The following C10orf143 variants were observed in gnomAD, a reference collection of about 807,000 sequenced individuals.
C10orf143 encodes uncharacterized protein C10orf143.
rs183893684 is a variant in C10orf143 at position 130,039,903 on chromosome 10, C to T, written c.298-3933G>A. Among the ~76,000 whole-genome samples, 670 of 152,254 alleles carry T rather than the reference C, an allele frequency of 4.4e-3. 7 individuals are homozygous for T. The highest frequency in any genetic ancestry group is 7.5e-3 in the Non-Finnish European group (510 of 68,026). Reference sequence around the variant, plus strand: ...CTACTGGGCATGAACCATTTAGGGACGTGGCAAATCACACAGCAATGTGCA... The same window carrying T: ...CTACTGGGCATGAACCATTTAGGGATGTGGCAAATCACACAGCAATGTGCA... On this transcript the variant is annotated intron_variant and NMD_transcript_variant, in intron 3 of 5. Coordinates refer to the C10orf143 transcript ENST00000643056.
At chr10:130,101,852 AAAAAAAAAAAACC>A (rs1335427129) in intron 1 of C10orf143, among the ~76,000 whole-genome samples, 3 of 26,966 alleles carry the variant, frequency 1.1e-4, no homozygotes, top group African/African-American at 1.2e-4. Flanking sequence ...TCTGTCTCAA[AAAAAAAAAAAACC>A]AAAAAAAAAA....
chr10:130,062,417 C>G (rs1860867189), downstream of C10orf143, among the ~76,000 whole-genome samples: 1 of 152,120 alleles, frequency 6.6e-6, no homozygotes, highest in South Asian at 2.1e-4. Flanking sequence ...AATCAGCTGC[C>G]AGCTTGGCCA....
chr10:130,053,700 G>A (rs1326989103), intron 3 of C10orf143, among the ~76,000 whole-genome samples: 1 of 152,222 alleles, frequency 6.6e-6, no homozygotes, highest in Non-Finnish European at 1.5e-5. Flanking sequence ...TTTTGGACAA[G>A]GGATCCCGAG....
In C10orf143 at chr10:130,110,778, C is replaced by G; in HGVS notation, c.-6G>C. On this transcript the variant is annotated 5_prime_UTR_variant, in exon 1 of 4. Transcript: ENST00000637128. ...CCGAGCGCTAAGCTGTCCATGCAGC[C>G]CCAGGGTCAAACCCTCCCGGCATCT... 2.5e-6 allele frequency: 1 copy of G among 399,018 alleles called. No homozygotes were observed. Among genetic ancestry groups the G allele is most frequent in the Non-Finnish European group, 4.4e-6 (1 of 226,190 alleles). 24.7% of individuals were successfully genotyped at this position (399,018 alleles called of 1,614,324 possible).
chr10:130,103,393 G>A (rs777679130), intron 1 of C10orf143, among the ~76,000 whole-genome samples: 1 of 152,160 alleles, frequency 6.6e-6, no homozygotes, highest in Non-Finnish European at 1.5e-5. Context: ...GGGATGCTGA[G>A]GCAGAAGAAT....
intron 3 of C10orf143, among the ~76,000 whole-genome samples, chr10:130,079,129 C>T (rs1447421826): frequency 6.6e-6 from 1 of 152,120 alleles, no homozygotes; most frequent in Non-Finnish European, 1.5e-5. Context: ...GGTGTAAACA[C>T]TGTGTTTGCT....
intron 3 of C10orf143, among the ~76,000 whole-genome samples, chr10:130,074,974 G>GCA (rs1440652361): frequency 6.6e-6 from 1 of 151,506 alleles, no homozygotes; most frequent in Non-Finnish European, 1.5e-5. Flanking sequence ...ACACACACAT[G>GCA]CACACACACC....
chr10:130,071,778 C>T (rs1342523303), intron 3 of C10orf143, among the ~76,000 whole-genome samples: 4 of 152,164 alleles, frequency 2.6e-5, no homozygotes, highest in African/African-American at 7.2e-5. Flanking sequence ...CAGGCATGCA[C>T]CATGCCTGGC....
rs1048746917 is a variant in C10orf143, at chr10:130,079,893, T to A, written c.78A>T (p.Val26=). The change falls in exon 2 of 4, where the codon GTA becomes GTT. Residue 26 remains valine, a synonymous_variant. Coordinates refer to ENST00000637128, the MANE Select transcript of C10orf143 (RefSeq NM_001355042.2). ...DLQVPGDVKR[V]CRRLEASGHE... ...GCCCACTGGCTTCTAATCTCCTGCATACCCGTTTCTGAAACAAACAAAATT... is the reference window on the plus strand; with the variant it reads ...GCCCACTGGCTTCTAATCTCCTGCAAACCCGTTTCTGAAACAAACAAAATT... 1.0e-5 allele frequency: 4 copies of A among 398,632 alleles called. No homozygotes were observed. Among genetic ancestry groups the A allele is most frequent in the Non-Finnish European group, 1.3e-5 (3 of 226,056 alleles). The allele number at this position is 398,632 out of a possible 1,614,324, so 24.7% of individuals were successfully genotyped here. A position where few individuals can be genotyped will look rare whatever the true frequency, so the allele number is the denominator to read the frequency against.
intron 1 of C10orf143, among the ~76,000 whole-genome samples, chr10:130,091,951 G>A (rs891302401): frequency 5.3e-5 from 8 of 152,196 alleles, no homozygotes; most frequent in South Asian, 2.1e-4. Flanking sequence ...TAGTGTACCT[G>A]AAAGTGACAG....
intron 3 of C10orf143, among the ~76,000 whole-genome samples, chr10:130,074,861 T>C (rs1365288761): frequency 6.6e-6 from 1 of 151,958 alleles, no homozygotes; most frequent in Non-Finnish European, 1.5e-5. Flanking sequence ...ACCAAAACAA[T>C]AGGTTTGGAC....
At chr10:130,075,987 G>T (rs376061877) in intron 3 of C10orf143, among the ~76,000 whole-genome samples, 146 of 133,126 alleles carry the variant, frequency 1.1e-3, no homozygotes, top group Admixed American at 2.3e-3. Context: ...TTGTTTGTTT[G>T]TTTGTTTTTT....
chr10:130,052,928 C>T (rs1004188833), intron 3 of C10orf143, among the ~76,000 whole-genome samples: 1 of 152,184 alleles, frequency 6.6e-6, no homozygotes, highest in Non-Finnish European at 1.5e-5. Context: ...GTACAGTAAA[C>T]CTTTGCAGCC....
At chr10:130,106,898 G>A (rs1011663236) in intron 1 of C10orf143, 27 of 1,041,156 alleles carry the variant, frequency 2.6e-5, no homozygotes, top group African/African-American at 4.6e-5. Context: ...TAGAGAAGAC[G>A]TAACGGATGA....
chr10:130,039,330 GCTTT>G (rs1182025745), intron 3 of C10orf143, among the ~76,000 whole-genome samples: 1 of 152,142 alleles, frequency 6.6e-6, no homozygotes, highest in Non-Finnish European at 1.5e-5. Flanking sequence ...CACCGGTGGT[GCTTT>G]CCAGTCCAAG....
intron 3 of C10orf143, among the ~76,000 whole-genome samples, chr10:130,073,796 A>C (rs959337864): frequency 5.9e-5 from 9 of 152,180 alleles, no homozygotes; most frequent in Non-Finnish European, 8.8e-5. Flanking sequence ...AACAGTTAAA[A>C]ATTTTTTTAA....
At chr10:130,069,294 T>C (rs560501840) in intron 3 of C10orf143, among the ~76,000 whole-genome samples, 1 of 152,296 alleles carries the variant, frequency 6.6e-6, no homozygotes, top group East Asian at 1.9e-4. Context: ...TTCAAAACCA[T>C]GTGGCCACAT....
At chr10:130,048,301 G>A (rs901467081) in intron 3 of C10orf143, among the ~76,000 whole-genome samples, 4 of 152,198 alleles carry the variant, frequency 2.6e-5, no homozygotes, top group Non-Finnish European at 5.9e-5. Context: ...GGACCCACCT[G>A]CCTTGACAGA....
At chr10:130,054,246 G>A (rs1291829096) in intron 3 of C10orf143, among the ~76,000 whole-genome samples, 1 of 152,138 alleles carries the variant, frequency 6.6e-6, no homozygotes, top group Non-Finnish European at 1.5e-5. Context: ...AAGTTTCCAG[G>A]TTCCACATAG....
Sources: allele counts gnomAD v4.1 joint callset (sites outside exome capture counted in the v4.1 genomes callset), GRCh38; gene constraint gnomAD v4.1.1; transcripts MANE v1.5; gene names NCBI Gene and HGNC (gene_info 2026-07-23, HGNC 2026-07-21).